The following LARP4B variants were observed in gnomAD, a reference collection of about 807,000 sequenced individuals.
LARP4B encodes the protein La ribonucleoprotein 4B.
Under a neutral mutation model 89.8 loss-of-function variants are expected in LARP4B, and 12 were observed. The ratio of observed to expected loss-of-function variants is 0.13; its 90% CI spans 0.09 to 0.22. The LOEUF is 0.22. Among genes scored for constraint, LARP4B ranks in the 10% least tolerant of loss-of-function variants. The probability of loss-of-function intolerance (pLI) is 1.00; values close to 1 mark genes in which losing one functional copy is unlikely to be tolerated. For missense variants in LARP4B, 757 were observed against 947.7 expected, an observed-to-expected ratio of 0.80 and a Z score of 2.64; for synonymous variants, 367 against 363.3, an observed-to-expected ratio of 1.01 and a Z score of -0.12.
intron 3 of LARP4B, among the ~76,000 whole-genome samples, chr10:868,364 T>C (rs1472756706): frequency 6.9e-6 from 1 of 144,274 alleles, no homozygotes; most frequent in Non-Finnish European, 1.5e-5. Flanking sequence ...ATAGCTGCTA[T>C]ATTAAGATTT....
intron 13 of LARP4B, among the ~76,000 whole-genome samples, chr10:821,724 A>T (rs946559491): frequency 2.0e-5 from 3 of 152,264 alleles, no homozygotes; most frequent in African/African-American, 7.2e-5. Flanking sequence ...CTTGCCTAAG[A>T]TGGCCTAACA....
intron 1 of LARP4B, among the ~76,000 whole-genome samples, chr10:931,214 G>C (rs895554498): frequency 1.0e-4 from 15 of 148,586 alleles, no homozygotes; most frequent in Middle Eastern, 3.4e-3. Context: ...CCTGACCCCG[G>C]TCCTCCTCAG....
intron 1 of LARP4B, among the ~76,000 whole-genome samples, chr10:893,236 T>C (rs1836089296): frequency 6.6e-6 from 1 of 152,084 alleles, no homozygotes; most frequent in Non-Finnish European, 1.5e-5. Context: ...AATCTTAAAA[T>C]GTACTCAGTA....
chr10:972,494 C>G, the LARP4B span: 4 of 456,504 alleles, frequency 8.8e-6, no homozygotes, highest in East Asian at 2.8e-4. Context: ...AGCTCTCATT[C>G]TATTCTCAGA....
At chr10:959,357 C>CATCAATCCCACCTCCT in the LARP4B span, among the ~76,000 whole-genome samples, 4 of 132,568 alleles carry the variant, frequency 3.0e-5, no homozygotes, top group African/African-American at 1.4e-4. Context: ...TCCCACCTCC[C>CATCAATCCCACCTCCT]CGTCAATCCC....
intron 5 of LARP4B, among the ~76,000 whole-genome samples, chr10:858,465 CTTCATTA>C (rs1377173494): frequency 6.6e-6 from 1 of 152,174 alleles, no homozygotes; most frequent in Non-Finnish European, 1.5e-5. Context: ...CAGACAAAAC[CTTCATTA>C]TAATAAATTC....
At chr10:920,662 C>T (rs1013983533) in intron 1 of LARP4B, among the ~76,000 whole-genome samples, 1 of 151,986 alleles carries the variant, frequency 6.6e-6, no homozygotes, top group Non-Finnish European at 1.5e-5. Context: ...GTCCTGGCTA[C>T]TCTGGAGGTT....
chr10:955,261 C>G, the LARP4B span, among the ~76,000 whole-genome samples: 1 of 152,242 alleles, frequency 6.6e-6, no homozygotes, highest in African/African-American at 2.4e-5. The surrounding 1 kb of genome is among the most constrained non-coding windows in gnomAD (Gnocchi z 5.2). Flanking sequence ...GGGCCCCACC[C>G]CTGCCTCACT....
intron 6 of LARP4B, among the ~76,000 whole-genome samples, chr10:843,437 G>T (rs534107636): frequency 6.6e-6 from 1 of 152,256 alleles, no homozygotes; most frequent in African/African-American, 2.4e-5. Context: ...GGTGGCTCAC[G>T]CCTGGAATCC....
the LARP4B span, among the ~76,000 whole-genome samples, chr10:970,079 C>T: frequency 1.3e-5 from 2 of 152,140 alleles, no homozygotes; most frequent in Middle Eastern, 3.2e-3. Flanking sequence ...GAACTAATAA[C>T]GACTGAGATG....
the LARP4B span, among the ~76,000 whole-genome samples, chr10:943,592 GC>G: frequency 6.6e-6 from 1 of 152,160 alleles, no homozygotes; most frequent in Non-Finnish European, 1.5e-5. Flanking sequence ...ACCACATAGG[GC>G]CAGTTTTCAG....
At position 892,902 on chromosome 10, in the gene LARP4B, ATTTTTTTTT is replaced by A. The variant is rs56051964; in HGVS notation, c.-39-7151_-39-7143del. Among the ~76,000 whole-genome samples, 23 of 117,950 alleles carry A rather than the reference ATTTTTTTTT, an allele frequency of 1.9e-4. No individual in the cohort carries two copies. In the South Asian group the frequency reaches 5.9e-3, roughly 31 times the overall value. The allele number at this position is 117,950 out of a possible 152,430, so 77.4% of individuals were successfully genotyped here. A position where few individuals can be genotyped will look rare whatever the true frequency, so the allele number is the denominator to read the frequency against. Reference sequence around the variant, plus strand: ...AAACCCTACAAATTCACCAAGAGAAATTTTTTTTTTTTTTTTTTTTTTTTTAAATACAGA... The same window carrying A: ...AAACCCTACAAATTCACCAAGAGAAATTTTTTTTTTTTTTTTAAATACAGA... On this transcript the variant is annotated intron_variant, in intron 1 of 17. Coordinates refer to ENST00000316157, the MANE Select transcript of LARP4B (RefSeq NM_015155.3).
At chr10:955,314 C>T in the LARP4B span, among the ~76,000 whole-genome samples, 65 of 152,340 alleles carry the variant, frequency 4.3e-4, no homozygotes, top group Admixed American at 1.5e-3. This position sits in a 1 kb window ranked among gnomAD's most constrained non-coding sequence, Gnocchi z 5.2. Context: ...GACTGCAGCC[C>T]GTGGGGGGCC....
intron 8 of LARP4B, among the ~76,000 whole-genome samples, chr10:831,856 A>G (rs914487803): frequency 6.6e-6 from 1 of 152,152 alleles, no homozygotes; most frequent in African/African-American, 2.4e-5. Flanking sequence ...GCATCTCCTC[A>G]AAAATCACAA....
chr10:974,139 T>A, the LARP4B span, among the ~76,000 whole-genome samples: 3 of 151,940 alleles, frequency 2.0e-5, no homozygotes, highest in Non-Finnish European at 4.4e-5. Context: ...TTGTGCGAGG[T>A]CTGGGAGAGC....
At chr10:968,207 A>C in the LARP4B span, among the ~76,000 whole-genome samples, 1 of 152,190 alleles carries the variant, frequency 6.6e-6, no homozygotes, top group African/African-American at 2.4e-5. Flanking sequence ...GGTAATTGGT[A>C]ATTTGTACTA....
the LARP4B span, among the ~76,000 whole-genome samples, chr10:976,686 G>GC: frequency 6.7e-6 from 1 of 150,060 alleles, no homozygotes; most frequent in Non-Finnish European, 1.5e-5. Context: ...GTGATGTGTG[G>GC]CCCGGCCTAG....
the LARP4B span, among the ~76,000 whole-genome samples, chr10:979,985 A>G: frequency 6.6e-6 from 1 of 152,236 alleles, no homozygotes; most frequent in African/African-American, 2.4e-5. Flanking sequence ...TCCAAGACAC[A>G]GTGGAGATAT....
chr10:900,984 A>G (rs902244813), intron 1 of LARP4B, among the ~76,000 whole-genome samples: 4 of 147,846 alleles, frequency 2.7e-5, no homozygotes, highest in African/African-American at 1.0e-4. Flanking sequence ...CAATGGCACA[A>G]TCTCGGCTAA....
Sources: gnomAD v4.1 joint callset for allele counts (sites outside exome capture counted in the v4.1 genomes callset) on GRCh38, gnomAD v4.1.1 for gene constraint, Gnocchi (gnomAD v3.1) non-coding constraint, MANE v1.5 for transcripts, NCBI Gene and HGNC (gene_info 2026-07-23, HGNC 2026-07-21) for gene names.